The following SGMS2 variants were observed in gnomAD, a reference collection of about 807,000 sequenced individuals.
The protein encoded by SGMS2 is phosphatidylcholine:ceramide cholinephosphotransferase 2.
Under a neutral mutation model 43.8 loss-of-function variants are expected in SGMS2, and 21 were observed. That is an observed-to-expected ratio of 0.48 (90% CI 0.34 to 0.69). SGMS2 has a LOEUF of 0.69. Among genes scored for constraint, SGMS2 ranks in the 30% least tolerant of loss-of-function variants. The pLI is 0.01. For missense variants in SGMS2, 384 were observed against 443.2 expected (o/e 0.87, Z 1.20); for synonymous variants, 167 against 160.6 (o/e 1.04, Z -0.30).
intron 2 of SGMS2, among the ~76,000 whole-genome samples, chr4:107,874,767 T>C (rs1728786683): frequency 6.6e-6 from 1 of 152,194 alleles, no homozygotes; most frequent in Non-Finnish European, 1.5e-5. Flanking sequence ...TAAAATTGTT[T>C]AAATGGCATT....
At chr4:107,842,075 C>T (rs554190657) in intron 1 of SGMS2, among the ~76,000 whole-genome samples, 6 of 151,850 alleles carry the variant, frequency 4.0e-5, no homozygotes, top group South Asian at 2.1e-4. Context: ...TATTAGGTTG[C>T]GAAAAAAGTA....
chr4:107,889,362 A>C (rs1246923220), intron 2 of SGMS2, among the ~76,000 whole-genome samples: 4 of 152,206 alleles, frequency 2.6e-5, no homozygotes, highest in African/African-American at 9.6e-5. Flanking sequence ...TTGATTAATA[A>C]ATGCAAACAA....
chr4:107,877,913 C>CTTTTTTT (rs774442653), intron 2 of SGMS2, among the ~76,000 whole-genome samples: 59 of 102,168 alleles, frequency 5.8e-4, no homozygotes, highest in African/African-American at 1.3e-3. Flanking sequence ...TTTTTCTTTT[C>CTTTTTTT]TTTTTTTTTT....
chr4:107,832,475 T>A (rs1437681145), intron 1 of SGMS2, among the ~76,000 whole-genome samples: 1 of 152,236 alleles, frequency 6.6e-6, no homozygotes, highest in Non-Finnish European at 1.5e-5. Flanking sequence ...ACAGGGGGGT[T>A]AAGTCACGTA....
At chr4:107,871,548 T>C (rs1199716315) in intron 2 of SGMS2, among the ~76,000 whole-genome samples, 2 of 152,060 alleles carry the variant, frequency 1.3e-5, no homozygotes, top group Non-Finnish European at 2.9e-5. Flanking sequence ...CCTTAGCACT[T>C]AGGACCCAAT....
At chr4:107,887,694 A>G (rs1578616842) in intron 2 of SGMS2, among the ~76,000 whole-genome samples, 1 of 152,354 alleles carries the variant, frequency 6.6e-6, no homozygotes, top group South Asian at 2.1e-4. Context: ...AAATAGGATC[A>G]CAGGTCATTG....
intron 4 of SGMS2, among the ~76,000 whole-genome samples, chr4:107,902,918 T>G (rs1011936692): frequency 6.6e-6 from 1 of 152,012 alleles, no homozygotes; most frequent in African/African-American, 2.4e-5. Flanking sequence ...AGAAAGTAGC[T>G]TTGATCTGCT....
chr4:107,863,103 A>T, intron 2 of SGMS2, among the ~76,000 whole-genome samples: 1 of 152,298 alleles, frequency 6.6e-6, no homozygotes, highest in South Asian at 2.1e-4. Flanking sequence ...GACTGGGAGA[A>T]GTGCAGTCTC....
chr4:107,862,727 T>C (rs1172188079), intron 2 of SGMS2, among the ~76,000 whole-genome samples: 1 of 152,188 alleles, frequency 6.6e-6, no homozygotes, highest in Non-Finnish European at 1.5e-5. Context: ...ATCAGCAGTC[T>C]AGTGTTGGGA....
At chr4:107,875,581 A>G (rs533637517) in intron 2 of SGMS2, among the ~76,000 whole-genome samples, 43 of 152,294 alleles carry the variant, frequency 2.8e-4, no homozygotes, top group African/African-American at 1.0e-3. Context: ...TACCTGGGTG[A>G]TGAAATAATC....
At chr4:107,894,145 T>A (rs1560665908) in intron 2 of SGMS2, 1 of 152,108 alleles carries the variant, frequency 6.6e-6, no homozygotes, top group Non-Finnish European at 1.5e-5. Context: ...TTAGCTGTCA[T>A]CACTTTGAGT....
chr4:107,836,416 A>G (rs902485919), intron 1 of SGMS2, among the ~76,000 whole-genome samples: 2 of 152,226 alleles, frequency 1.3e-5, no homozygotes, highest in Non-Finnish European at 2.9e-5. Context: ...GAGTTAACAA[A>G]TCTTACAGTG....
intron 1 of SGMS2, among the ~76,000 whole-genome samples, chr4:107,837,880 T>A (rs1240496181): frequency 1.3e-5 from 2 of 152,090 alleles, no homozygotes; most frequent in African/African-American, 2.4e-5. Context: ...ACTCCTAGTT[T>A]TTTTTGTGGG....
chr4:107,831,726 C>G (rs1725900219), intron 1 of SGMS2, among the ~76,000 whole-genome samples: 1 of 152,190 alleles, frequency 6.6e-6, no homozygotes, highest in Admixed American at 6.5e-5. Context: ...GAGCTGGAGC[C>G]TGTCCCATAT....
chr4:107,853,706 A>G (rs984193708), intron 1 of SGMS2, among the ~76,000 whole-genome samples: 2 of 152,228 alleles, frequency 1.3e-5, no homozygotes, highest in African/African-American at 2.4e-5. Context: ...TGCCAGAAAG[A>G]CAGCAGAGAA....
chr4:107,825,580 GTGTGTGTGTGTT>G (rs1725535128), intron 1 of SGMS2, among the ~76,000 whole-genome samples: 2 of 150,686 alleles, frequency 1.3e-5, no homozygotes, highest in African/African-American at 2.4e-5. Flanking sequence ...AGGAGGGACT[GTGTGTGTGTGTT>G]TGTGTGTGTG....
intron 1 of SGMS2, among the ~76,000 whole-genome samples, chr4:107,845,838 A>T (rs546783171): frequency 6.6e-6 from 1 of 152,198 alleles, no homozygotes; most frequent in African/African-American, 2.4e-5. Flanking sequence ...GCCATTTGTT[A>T]TATAAAGCTT....
At chr4:107,827,581 A>G (rs952861111) in intron 1 of SGMS2, among the ~76,000 whole-genome samples, 8 of 152,214 alleles carry the variant, frequency 5.3e-5, no homozygotes, top group African/African-American at 1.7e-4. Flanking sequence ...CTTGCTTTAC[A>G]CAGTAAAATA....
At chr4:107,902,726 G>A (rs1233511517) in intron 4 of SGMS2, among the ~76,000 whole-genome samples, 4 of 152,080 alleles carry the variant, frequency 2.6e-5, no homozygotes, top group African/African-American at 9.7e-5. Flanking sequence ...ATTATTTAAT[G>A]AGTTGCAACT....
Sources: allele counts gnomAD v4.1 joint callset (sites outside exome capture counted in the v4.1 genomes callset), GRCh38; gene constraint gnomAD v4.1.1; transcripts MANE v1.5; gene names NCBI Gene and HGNC (gene_info 2026-07-23, HGNC 2026-07-21).